The following NCEH1 variants were observed in gnomAD, a reference collection of about 807,000 sequenced individuals.
NCEH1 encodes the protein neutral cholesterol ester hydrolase 1, also known as 2-acetyl MAGE hydrolase.
In NCEH1, 9 loss-of-function variants were observed where a neutral mutation model predicts 25.4. That is an observed-to-expected ratio of 0.35 (90% CI 0.21 to 0.62). The LOEUF (loss-of-function observed/expected upper bound fraction) is 0.62. Ranked by LOEUF, NCEH1 falls within the 20% of genes least tolerant of loss-of-function variation. The pLI is 0.72. For missense variants in NCEH1, 412 were observed against 501.1 expected (o/e 0.82, Z 1.70); for synonymous variants, 200 against 199.8 (o/e 1.00, Z -0.01).
chr3:172,653,744 G>GTTGTTGCTT (rs1717534237), intron 1 of NCEH1, among the ~76,000 whole-genome samples: 4 of 95,676 alleles, frequency 4.2e-5, no homozygotes, highest in African/African-American at 1.7e-4. Context: ...TGTTTTTTTT[G>GTTGTTGCTT]TTTTTTTGTT....
At chr3:172,681,834 C>T (rs1298000622) in intron 1 of NCEH1, among the ~76,000 whole-genome samples, 1 of 151,620 alleles carries the variant, frequency 6.6e-6, no homozygotes, top group Non-Finnish European at 1.5e-5. Flanking sequence ...TTAAACCCAT[C>T]CAGGAGGCAG....
intron 3 of NCEH1, among the ~76,000 whole-genome samples, chr3:172,640,958 C>G (rs1683454844): frequency 6.6e-6 from 1 of 152,172 alleles, no homozygotes; most frequent in African/African-American, 2.4e-5. Context: ...TGAGCCACTG[C>G]ATCCCACCCA....
At chr3:172,652,740 T>C (rs1640717) in intron 1 of NCEH1, among the ~76,000 whole-genome samples, 3 of 152,148 alleles carry the variant, frequency 2.0e-5, no homozygotes, top group Non-Finnish European at 4.4e-5. Context: ...CTGTTGCCCA[T>C]ACTGGAAAGC....
intron 2 of NCEH1, among the ~76,000 whole-genome samples, 173 bp from the exon 3 acceptor site, chr3:172,645,865 T>C (rs1362137682): frequency 6.6e-6 from 1 of 152,256 alleles, no homozygotes; most frequent in Non-Finnish European, 1.5e-5. Flanking sequence ...AAATTAAATC[T>C]GATTTCTAAT....
At chr3:172,675,927 A>G (rs1416094244) in intron 1 of NCEH1, among the ~76,000 whole-genome samples, 5 of 152,152 alleles carry the variant, frequency 3.3e-5, no homozygotes, top group African/African-American at 1.2e-4. Context: ...TTCTTGTAAA[A>G]CGTATCTCTT....
intron 1 of NCEH1, among the ~76,000 whole-genome samples, chr3:172,706,848 G>C (rs533189871): frequency 6.6e-6 from 1 of 152,166 alleles, no homozygotes; most frequent in East Asian, 1.9e-4. Context: ...AAGATTGCTC[G>C]ATTTTACTTC....
intron 1 of NCEH1, among the ~76,000 whole-genome samples, chr3:172,693,818 A>G (rs1713210542): frequency 6.6e-6 from 1 of 152,234 alleles, no homozygotes; most frequent in Non-Finnish European, 1.5e-5. Flanking sequence ...GCTGCCAAGA[A>G]CCAAATGTGG....
At chr3:172,677,554 T>C (rs1035711806) in intron 1 of NCEH1, among the ~76,000 whole-genome samples, 2 of 147,496 alleles carry the variant, frequency 1.4e-5, no homozygotes, top group Non-Finnish European at 3.0e-5. Context: ...CAGCAGGTAT[T>C]ACACTCGTAT....
At chr3:172,647,351 T>G (rs558865092) in intron 2 of NCEH1, among the ~76,000 whole-genome samples, 21 of 152,352 alleles carry the variant, frequency 1.4e-4, no homozygotes, top group Non-Finnish European at 2.6e-4. Flanking sequence ...AAAATATTCT[T>G]GAACTTTGCA....
At chr3:172,638,679 CAAT>C (rs1210527914) in intron 3 of NCEH1, among the ~76,000 whole-genome samples, 3 of 152,172 alleles carry the variant, frequency 2.0e-5, no homozygotes, top group Non-Finnish European at 4.4e-5. Flanking sequence ...CCACATATCA[CAAT>C]AAACTGTTTT....
chr3:172,686,860 T>C (rs1712727820), intron 1 of NCEH1, among the ~76,000 whole-genome samples: 1 of 152,232 alleles, frequency 6.6e-6, no homozygotes, highest in Admixed American at 6.5e-5. Flanking sequence ...GAGGCCTTCA[T>C]GTGCCAGGAA....
At chr3:172,665,033 T>C (rs1718141512) in intron 1 of NCEH1, among the ~76,000 whole-genome samples, 1 of 152,104 alleles carries the variant, frequency 6.6e-6, no homozygotes, top group Admixed American at 6.5e-5. Flanking sequence ...TTGGTGTAGA[T>C]GAGGCACTCT....
intron 1 of NCEH1, among the ~76,000 whole-genome samples, chr3:172,673,660 A>G (rs1289336419): frequency 6.6e-6 from 1 of 152,216 alleles, no homozygotes; most frequent in African/African-American, 2.4e-5. Flanking sequence ...GGGAACACTG[A>G]AAGGGAACAG....
At chr3:172,649,984 A>G (rs1196548256) in intron 1 of NCEH1, among the ~76,000 whole-genome samples, 1 of 152,254 alleles carries the variant, frequency 6.6e-6, no homozygotes, top group African/African-American at 2.4e-5. Flanking sequence ...TTTATATGAC[A>G]GATATGAGAA....
intron 1 of NCEH1, among the ~76,000 whole-genome samples, chr3:172,690,304 G>T (rs994969700): frequency 1.6e-4 from 25 of 152,256 alleles, no homozygotes; most frequent in African/African-American, 5.3e-4. Flanking sequence ...GGTGCAAAGT[G>T]ATATGCAATA....
chr3:172,672,045 T>G (rs1186949768), intron 1 of NCEH1, among the ~76,000 whole-genome samples: 3 of 152,226 alleles, frequency 2.0e-5, no homozygotes, highest in Non-Finnish European at 4.4e-5. Flanking sequence ...CCAGAGCAAA[T>G]TCTACTCCTG....
intron 2 of NCEH1, among the ~76,000 whole-genome samples, chr3:172,646,764 T>C (rs1204896545): frequency 6.6e-6 from 1 of 152,188 alleles, no homozygotes; most frequent in Non-Finnish European, 1.5e-5. Context: ...ATCCATCCCA[T>C]TCCTGGCACC....
intron 1 of NCEH1, among the ~76,000 whole-genome samples, chr3:172,674,443 C>CAAA (rs146923940): frequency 2.8e-5 from 2 of 71,034 alleles, no homozygotes; most frequent in African/African-American, 9.8e-5. Context: ...ACTCTGTCTC[C>CAAA]AAAAAAAAAA....
At chr3:172,671,502 C>CAT (rs1352877945) in intron 1 of NCEH1, among the ~76,000 whole-genome samples, 1,596 of 124,830 alleles carry the variant, frequency 0.013, 29 homozygotes, top group East Asian at 0.084. Flanking sequence ...CACACACATA[C>CAT]ACATACACAC....
Sources: gnomAD v4.1 joint callset for allele counts (sites outside exome capture counted in the v4.1 genomes callset) on GRCh38, gnomAD v4.1.1 for gene constraint, MANE v1.5 for transcripts, NCBI Gene and HGNC (gene_info 2026-07-23, HGNC 2026-07-21) for gene names.